Variants in FAM193A observed in about 807,000 individuals in gnomAD.
The protein encoded by FAM193A is family with sequence similarity 193 member A.
Under a neutral mutation model 126.5 loss-of-function variants are expected in FAM193A, and 22 were observed. The observed-to-expected ratio is 0.17, with a 90% CI of 0.12 to 0.25. The LOEUF (loss-of-function observed/expected upper bound fraction) is 0.25. FAM193A is among the 10% of genes least tolerant of loss of function. FAM193A has a pLI of 1.00. For synonymous variants in FAM193A, 761 were observed against 646.8 expected (o/e 1.18, Z -2.68); for missense variants, 1,675 against 1,672.8 (o/e 1.00, Z -0.02).
intron 13 of FAM193A, among the ~76,000 whole-genome samples, chr4:2,682,109 C>A (rs1715213643): frequency 6.6e-6 from 1 of 151,648 alleles, no homozygotes; most frequent in Non-Finnish European, 1.5e-5. Context: ...CTCAGCCTCC[C>A]AAGTAGCTGG....
chr4:2,590,098 G>T (rs1740436968), intron 1 of FAM193A, among the ~76,000 whole-genome samples: 1 of 148,566 alleles, frequency 6.7e-6, no homozygotes, highest in African/African-American at 2.5e-5. Flanking sequence ...TCACGCCACT[G>T]CACTCCAGCC....
chr4:2,575,280 A>C (rs542017706), intron 1 of FAM193A, among the ~76,000 whole-genome samples: 1 of 152,150 alleles, frequency 6.6e-6, no homozygotes, highest in Non-Finnish European at 1.5e-5. Context: ...AGTGTGGTAC[A>C]CCAGGGACTT....
chr4:2,631,291 C>T, intron 5 of FAM193A, 122 bp downstream of exon 5: 4 of 817,810 alleles, frequency 4.9e-6, no homozygotes, highest in Non-Finnish European at 7.6e-6. Flanking sequence ...CTGTGATAGG[C>T]CCCTCTTCTC....
chr4:2,605,674 A>C (rs1041565402), intron 2 of FAM193A, among the ~76,000 whole-genome samples: 5 of 152,192 alleles, frequency 3.3e-5, no homozygotes, highest in Admixed American at 2.6e-4. Flanking sequence ...AAAAACAAGA[A>C]TGGTTTAGTA....
chr4:2,595,696 G>T (rs1379304261), intron 1 of FAM193A, among the ~76,000 whole-genome samples: 2 of 152,186 alleles, frequency 1.3e-5, no homozygotes. Flanking sequence ...AGCCAGAATT[G>T]CCATCTTGAA....
At chr4:2,589,563 C>T (rs561281846) in intron 1 of FAM193A, among the ~76,000 whole-genome samples, 1 of 152,292 alleles carries the variant, frequency 6.6e-6, no homozygotes, top group East Asian at 1.9e-4. Flanking sequence ...GATATTTACT[C>T]TGTAAGATTA....
At chr4:2,727,279 T>C (rs927971559) in intron 20 of FAM193A, among the ~76,000 whole-genome samples, 2 of 152,104 alleles carry the variant, frequency 1.3e-5, no homozygotes, top group African/African-American at 4.8e-5. Context: ...TTGTGACCAA[T>C]TGCTGTTAGT....
chr4:2,615,765 C>T (rs1742145850), intron 2 of FAM193A, among the ~76,000 whole-genome samples: 1 of 152,186 alleles, frequency 6.6e-6, no homozygotes, highest in Admixed American at 6.5e-5. Flanking sequence ...GATCTGCCGT[C>T]CTCGGCCTCC....
At chr4:2,615,963 C>A (rs752876309) in intron 2 of FAM193A, among the ~76,000 whole-genome samples, 10 of 152,164 alleles carry the variant, frequency 6.6e-5, no homozygotes, top group Admixed American at 3.3e-4. Context: ...ACATGCACGC[C>A]ACCATGCCCG....
chr4:2,600,305 T>G (rs985857430), intron 2 of FAM193A, among the ~76,000 whole-genome samples: 7 of 152,324 alleles, frequency 4.6e-5, no homozygotes, highest in African/African-American at 1.7e-4. Context: ...GTTCCCGGAC[T>G]TGGCACTGTG....
At chr4:2,580,595 G>C (rs1239677054) in intron 1 of FAM193A, among the ~76,000 whole-genome samples, 1 of 152,174 alleles carries the variant, frequency 6.6e-6, no homozygotes. Flanking sequence ...CCTCCCCATG[G>C]TAATGAATGA....
intron 18 of FAM193A, 29 bp downstream of exon 18, chr4:2,696,622 C>T (rs755005320): frequency 8.3e-6 from 13 of 1,571,562 alleles, no homozygotes; most frequent in South Asian, 4.5e-5. Flanking sequence ...CACCTGGAGG[C>T]GCCAGGTCTG....
chr4:2,700,601 A>T, intron 19 of FAM193A, 57 bp downstream of exon 19: 6 of 1,554,440 alleles, frequency 3.9e-6, no homozygotes, highest in Non-Finnish European at 5.2e-6. Context: ...TCCATGTGTG[A>T]TGTGCTAGTA....
chr4:2,686,334 CTG>C (rs1025299889), intron 13 of FAM193A, among the ~76,000 whole-genome samples: 11 of 152,302 alleles, frequency 7.2e-5, no homozygotes, highest in Admixed American at 3.3e-4. Context: ...AAGCTAGACA[CTG>C]TTCAGCAAAC....
intron 19 of FAM193A, among the ~76,000 whole-genome samples, chr4:2,702,325 A>G (rs1040018877): frequency 6.6e-6 from 1 of 152,074 alleles, no homozygotes; most frequent in African/African-American, 2.4e-5. Flanking sequence ...ATGCGGCCCT[A>G]CCAGCCTTTA....
intron 19 of FAM193A, among the ~76,000 whole-genome samples, chr4:2,703,802 A>T (rs1479803616): frequency 6.5e-5 from 2 of 30,992 alleles, no homozygotes; most frequent in South Asian, 1.2e-3. Context: ...CATCTCTACT[A>T]AAAAAAAAAA....
chr4:2,684,388 A>G (rs995765238), intron 13 of FAM193A, among the ~76,000 whole-genome samples: 2 of 151,594 alleles, frequency 1.3e-5, no homozygotes, highest in African/African-American at 4.8e-5. Flanking sequence ...TTTTTTTCCA[A>G]AGATACTTAG....
At chr4:2,548,752 CA>C (rs1737724718) in intron 1 of FAM193A, among the ~76,000 whole-genome samples, 1 of 151,698 alleles carries the variant, frequency 6.6e-6, no homozygotes. Context: ...CCACCGGACC[CA>C]ACCTGTTAAC....
intron 4 of FAM193A, among the ~76,000 whole-genome samples, chr4:2,626,913 C>T (rs1410147627): frequency 6.6e-6 from 1 of 152,082 alleles, no homozygotes; most frequent in Non-Finnish European, 1.5e-5. Flanking sequence ...AGCACTCTTG[C>T]CTTTATCAAC....
Sources: gnomAD v4.1 joint callset for allele counts (sites outside exome capture counted in the v4.1 genomes callset) on GRCh38, gnomAD v4.1.1 for gene constraint, MANE v1.5 for transcripts, NCBI Gene and HGNC (gene_info 2026-07-23, HGNC 2026-07-21) for gene names.